HTR3E: variants seen among roughly 807,000 people sequenced by gnomAD.
The protein encoded by HTR3E is 5-hydroxytryptamine receptor 3E, also known as 5-hydroxytryptamine (serotonin) receptor 3, family member E.
Under a neutral mutation model 38.0 loss-of-function variants are expected in HTR3E, and 38 were observed. The ratio of observed to expected loss-of-function variants is 1.00; its 90% CI spans 0.77 to 1.31. The LOEUF is 1.31. HTR3E is among the 50% of genes most tolerant of loss of function. The probability of loss-of-function intolerance (pLI) is 0.00; values close to 1 mark genes in which losing one functional copy is unlikely to be tolerated. For missense variants in HTR3E, 547 were observed against 585.2 expected (o/e 0.93, Z 0.67); for synonymous variants, 210 against 232.9 (o/e 0.90, Z 0.89).
chr3:184,105,973 T>C lies in HTR3E; in HGVS notation c.925+4T>C. ...ACCAGTGGCACCCCCCTCATCGGTA[T>C]GGCTCCTCCCACCTTTTGGAAGAGA... On this transcript the variant is annotated splice_donor_region_variant and intron_variant, in intron 7 of 8. Coordinates refer to ENST00000415389, the MANE Select transcript of HTR3E (RefSeq NM_001256613.2). 2 of 1,614,092 alleles carry C rather than the reference T, an allele frequency of 1.2e-6. No homozygotes were observed. Among genetic ancestry groups the C allele is most frequent in the Non-Finnish European group, 1.7e-6 (2 of 1,179,956 alleles).
Position 184,099,382 on chromosome 3 carries a change from G to A in HTR3E, c.68-1103G>A, listed in dbSNP as rs181735147. On this transcript the variant is annotated intron_variant, in intron 1 of 8. Coordinates refer to ENST00000415389, the MANE Select transcript of HTR3E (RefSeq NM_001256613.2). The stretch of plus-strand genomic sequence containing the variant: ...TCCAGCCTGGGCAGTAGAGTGAGTC[G>A]CTGTCTCAAAAAACCCCCAAAAACC... 2.5e-4 allele frequency among the ~76,000 whole-genome samples: 38 copies of A among 152,044 alleles called. 1 individual carries two copies. Among genetic ancestry groups the A allele is most frequent in the African/African-American group, 7.2e-4 (30 of 41,482 alleles).
Position 184,099,739 on chromosome 3 carries a change from A to AAAAAAAAC in HTR3E, c.68-745_68-744insAAAAAACA, listed in dbSNP as rs767836103. Among the ~76,000 whole-genome samples, 209 of 113,052 alleles carry AAAAAAAAC rather than the reference A, an allele frequency of 1.8e-3. 11 individuals carry two copies. The highest frequency in any genetic ancestry group is 2.3e-3 in the African/African-American group (62 of 27,072). 74.2% of individuals were successfully genotyped at this position (113,052 alleles called of 152,430 possible). A position where few individuals can be genotyped will look rare whatever the true frequency, so the allele number is the denominator to read the frequency against. ...CCGTCTCAAAAAAAAAAAAAAAAAA[A>AAAAAAAAC]AGAAAGAAATATGCACAATTATTAT... On this transcript the variant is annotated intron_variant, in intron 1 of 8. Transcript: ENST00000415389.
chr3:184,102,130 ATAGAG>A (rs761722582), intron 3 of HTR3E, among the ~76,000 whole-genome samples: 29 of 152,152 alleles, frequency 1.9e-4, no homozygotes, highest in African/African-American at 5.3e-4. Context: ...TGTCACACAC[ATAGAG>A]TATTCTCAAA....
chr3:184,106,400 C>T lies in HTR3E; in HGVS notation c.1141+57C>T. ...TCCACTTCTCTGCTCCTGCCTCCTT[C>T]CCTGTCTCCCTCCCTCCACAGGTGA... On this transcript the variant is annotated intron_variant, in intron 8 of 8. Transcript: ENST00000415389. This position sits in a 1 kb window ranked among gnomAD's most constrained non-coding sequence, Gnocchi z 4.1. 6.4e-7 allele frequency: 1 copy of T among 1,561,918 alleles called. No individual in the cohort carries two copies. The highest frequency in any genetic ancestry group is 8.7e-7 in the Non-Finnish European group (1 of 1,153,016).
At chr3:184,097,723 C>G (rs1316578714) in intron 1 of HTR3E, 127 bp downstream of exon 1, 1 of 667,088 alleles carries the variant, frequency 1.5e-6, no homozygotes, top group Non-Finnish European at 2.6e-6. Context: ...TCTTTCATAG[C>G]TACATTACTA....
At position 184,098,563 on chromosome 3, in the gene HTR3E, G is replaced by A. The variant is rs1391297745; in HGVS notation, c.67+967G>A. The stretch of plus-strand genomic sequence containing the variant: ...AGCTCCTCTGGGCACTTGCACACAG[G>A]GGTTGACAAATGAATATTCACTGTT... On this transcript the variant is annotated intron_variant, in intron 1 of 8. Coordinates refer to ENST00000415389, the MANE Select transcript of HTR3E (RefSeq NM_001256613.2). Among the ~76,000 whole-genome samples the A allele has an allele frequency of 2.6e-5, 4 of 151,686 alleles. No individual in the cohort carries two copies. In the South Asian group the frequency reaches 6.2e-4, roughly 24 times the overall value.
intron 6 of HTR3E, 92 bp downstream of exon 6, chr3:184,105,519 T>C (rs1313934011): frequency 5.8e-5 from 80 of 1,382,944 alleles, no homozygotes; most frequent in South Asian, 2.0e-4. Flanking sequence ...AGTTTCAGGG[T>C]CTCCCAATGT....
In HTR3E at chr3:184,104,939, G is replaced by C; in HGVS notation, c.542G>C (p.Ser181Thr). 1 of 1,613,748 alleles carries C rather than the reference G, an allele frequency of 6.2e-7. No homozygotes were observed. The highest frequency in any genetic ancestry group is 1.1e-5 in the South Asian group (1 of 91,002). Reference protein sequence around the residue: ...FDQQNCTLTFSSFLYTVDSML... With the variant: ...FDQQNCTLTFTSFLYTVDSML... The stretch of plus-strand genomic sequence containing the variant: ...CAGCAGAACTGCACACTCACCTTCA[G>C]CTCATTCCTCTACACAGGTAAGTTG... Residue 181 changes from serine (S) to threonine (T), a missense_variant, in exon 5 of 9, where the codon AGC becomes ACC. Transcript: ENST00000415389.
In HTR3E at chr3:184,106,772, T is replaced by C; in HGVS notation, c.*79T>C. ...GGCCAGGTCTCCCCCCTTTCCTGAG[T>C]ACCAACTATCATATCCCCAAAGATG... On this transcript the variant is annotated 3_prime_UTR_variant, in exon 9 of 9. Coordinates refer to ENST00000415389, the MANE Select transcript of HTR3E (RefSeq NM_001256613.2). This position sits in a 1 kb window ranked among gnomAD's most constrained non-coding sequence, Gnocchi z 4.1. 1 of 1,393,542 alleles carries C rather than the reference T, an allele frequency of 7.2e-7. No individual in the cohort carries two copies. The highest frequency in any genetic ancestry group is 1.0e-6 in the Non-Finnish European group (1 of 997,636). The allele number at this position is 1,393,542 out of a possible 1,614,324, so 86.3% of individuals were successfully genotyped here.
rs531886147 is a variant in HTR3E at position 184,105,538 on chromosome 3, C to G, written c.720+111C>G. 7.2e-6 allele frequency: 9 copies of G among 1,252,824 alleles called. No homozygotes were observed. The South Asian group carries it at 1.2e-4, about 17-fold the overall frequency. 77.6% of individuals were successfully genotyped at this position (1,252,824 alleles called of 1,614,324 possible). On this transcript the variant is annotated intron_variant, in intron 6 of 8. Coordinates refer to ENST00000415389, the MANE Select transcript of HTR3E (RefSeq NM_001256613.2). ...TCAGGGTCTCCCAATGTTACCCTCT[C>G]TCCTGGCTTCCCAGCCTCATTCTTC... is the stretch of plus-strand genomic sequence containing the variant.
At position 184,097,580 on chromosome 3, in the gene HTR3E, C is replaced by T. The variant is rs1044162857; in HGVS notation, c.51C>T (p.Leu17=). Residue 17 remains leucine (L), a synonymous_variant, in exon 1 of 9, where the codon CTC becomes CTT. Transcript: ENST00000415389. ...HRKRFSFYLL[L]GFLLQGRGVT... ...AAAGATTTTCCTTCTACCTCCTTCTCGGTTTTCTGCTTCAAGGTAAGAAAG... is the reference window on the plus strand; with the variant it reads ...AAAGATTTTCCTTCTACCTCCTTCTTGGTTTTCTGCTTCAAGGTAAGAAAG... 11 of 1,535,642 alleles carry T rather than the reference C, an allele frequency of 7.2e-6. No homozygotes were observed. The highest frequency in any genetic ancestry group is 2.7e-5 in the African/African-American group (2 of 73,016).
intron 1 of HTR3E, among the ~76,000 whole-genome samples, chr3:184,099,699 C>A (rs1369367344): frequency 1.8e-5 from 2 of 109,166 alleles, no homozygotes; most frequent in Admixed American, 1.3e-4. Flanking sequence ...CCGGCCTGGG[C>A]GACAGAGCGA....
rs773562926 is a variant in HTR3E at position 184,104,794 on chromosome 3, G to A, written c.397G>A (p.Val133Met). The A allele has an allele frequency of 6.2e-7, 1 of 1,610,570 alleles. No individual in the cohort carries two copies. The highest frequency in any genetic ancestry group is 1.7e-5 in the Admixed American group (1 of 59,660). The change falls in exon 5 of 9, where the codon GTG becomes ATG. Residue 133 changes from valine to methionine, a missense_variant. By Grantham distance (21) the Val-to-Met change is conservative. Transcript: ENST00000415389. ...PDIFIIELMD[V>M]DKTPKGLTAY... ...GCGTTATCTCTCCTCCAGCATGGAT[G>A]TGGATAAGACCCCAAAAGGCCTCAC...
intron 1 of HTR3E, 99 bp downstream of exon 1, chr3:184,097,695 G>T: frequency 4.9e-6 from 4 of 818,928 alleles, no homozygotes; most frequent in Non-Finnish European, 7.9e-6. Flanking sequence ...CCTAGAGATT[G>T]TCTAAGATGG....
chr3:184,101,313 G>C (rs2108990417), intron 2 of HTR3E, among the ~76,000 whole-genome samples, 172 bp from the exon 3 acceptor site: 2 of 152,282 alleles, frequency 1.3e-5, no homozygotes, highest in Admixed American at 6.5e-5. Flanking sequence ...CTCCCGCCCT[G>C]CTGTGAACTC....
chr3:184,102,751 A>T (rs1712131101), intron 3 of HTR3E, among the ~76,000 whole-genome samples: 1 of 151,662 alleles, frequency 6.6e-6, no homozygotes, highest in African/African-American at 2.4e-5. Flanking sequence ...ATGGTGAAAC[A>T]CCGTCTCTAC....
chr3:184,106,171 G>A lies in HTR3E; in HGVS notation c.969G>A (p.Leu323=). The part of the protein sequence containing the change: ...ALCLSLMVGS[L]LETIFITHLL... Reference sequence around the variant, plus strand: ...GCCTGTCCCTGATGGTGGGCAGCCTGCTGGAGACCATCTTCATCACCCACC... The same window carrying A: ...GCCTGTCCCTGATGGTGGGCAGCCTACTGGAGACCATCTTCATCACCCACC... The change falls in exon 8 of 9, where the codon CTG becomes CTA. Residue 323 remains leucine (L), a synonymous_variant. Transcript: ENST00000415389. This position sits in a 1 kb window ranked among gnomAD's most constrained non-coding sequence, Gnocchi z 4.1. The A allele has an allele frequency of 6.2e-7, 1 of 1,612,878 alleles. No individual in the cohort carries two copies. The highest frequency in any genetic ancestry group is 8.5e-7 in the Non-Finnish European group (1 of 1,179,990).
intron 1 of HTR3E, among the ~76,000 whole-genome samples, chr3:184,099,542 G>A (rs1711858236): frequency 6.6e-6 from 1 of 151,416 alleles, no homozygotes; most frequent in African/African-American, 2.4e-5. Flanking sequence ...GTGAAACCCC[G>A]TCTCTACTAA....
intron 1 of HTR3E, among the ~76,000 whole-genome samples, chr3:184,099,667 T>C (rs1003424819): frequency 7.7e-6 from 1 of 129,662 alleles, no homozygotes; most frequent in South Asian, 2.3e-4. Flanking sequence ...TGAGCCGAGA[T>C]TGCGCCACTG....
Sources: gnomAD v4.1 joint callset for allele counts (sites outside exome capture counted in the v4.1 genomes callset) on GRCh38, gnomAD v4.1.1 for gene constraint, Gnocchi (gnomAD v3.1) non-coding constraint, MANE v1.5 for transcripts, NCBI Gene and HGNC (gene_info 2026-07-23, HGNC 2026-07-21) for gene names.